Variants in MAP7 observed in about 807,000 individuals in gnomAD.
MAP7 encodes the protein ensconsin.
In MAP7, 52 loss-of-function variants were observed where a neutral mutation model predicts 94.8. That is an observed-to-expected ratio of 0.55 (90% confidence interval 0.44 to 0.69). The LOEUF is 0.69. Among genes scored for constraint, MAP7 ranks in the 30% least tolerant of loss-of-function variants. The pLI, the probability that MAP7 is intolerant of heterozygous loss-of-function variation, is 0.00. For missense variants in MAP7, 940 were observed against 964.6 expected (o/e 0.97, Z 0.34); for synonymous variants, 350 against 357.0 (o/e 0.98, Z 0.22).
intron 1 of MAP7, among the ~76,000 whole-genome samples, chr6:136,544,949 C>G (rs1030092648): frequency 6.6e-6 from 1 of 152,178 alleles, no homozygotes; most frequent in Non-Finnish European, 1.5e-5. Flanking sequence ...GGGTAAAGAA[C>G]AAAACAGGTC....
At chr6:136,426,908 A>T (rs531923646) in intron 1 of MAP7, among the ~76,000 whole-genome samples, 1 of 152,216 alleles carries the variant, frequency 6.6e-6, no homozygotes, top group Non-Finnish European at 1.5e-5. Flanking sequence ...GTGAAGTCTA[A>T]CAAGCCTGCT....
At chr6:136,428,022 C>A (rs1438386358) in intron 1 of MAP7, among the ~76,000 whole-genome samples, 1 of 152,182 alleles carries the variant, frequency 6.6e-6, no homozygotes, top group African/African-American at 2.4e-5. Flanking sequence ...TAAATACAGT[C>A]CAACATGGTG....
chr6:136,372,756 T>A, intron 7 of MAP7, 131 bp from the exon 8 acceptor site: 1 of 1,133,620 alleles, frequency 8.8e-7, no homozygotes, highest in Non-Finnish European at 1.3e-6. Context: ...GAGAGAAAAG[T>A]AGGAAGAAGA....
rs79758736 is a variant in MAP7, at chr6:136,375,165, A to G, written c.752-2540T>C. Among the ~76,000 whole-genome samples the G allele has an allele frequency of 8.4e-3, 1,279 of 152,320 alleles. 21 individuals carry two copies. The highest frequency in any genetic ancestry group is 0.028 in the African/African-American group (1,183 of 41,564). Reference sequence around the variant, plus strand: ...GTAGCATAGCAAAAAGAAAAATGGCATAATATGGTAATACGGTACTAGCAT... The same window carrying G: ...GTAGCATAGCAAAAAGAAAAATGGCGTAATATGGTAATACGGTACTAGCAT... On this transcript the variant is annotated intron_variant, in intron 7 of 17. Transcript: ENST00000354570.
At chr6:136,524,599 A>T (rs1827320961) in intron 1 of MAP7, among the ~76,000 whole-genome samples, 1 of 152,228 alleles carries the variant, frequency 6.6e-6, no homozygotes, top group African/African-American at 2.4e-5. Flanking sequence ...TAGTAAATAA[A>T]AATCAACTAC....
intron 3 of MAP7, among the ~76,000 whole-genome samples, chr6:136,395,006 AC>A (rs1020762458): frequency 1.5e-4 from 20 of 137,920 alleles, no homozygotes; most frequent in Non-Finnish European, 2.9e-4. Context: ...ACTGATGGAC[AC>A]TTAGGTTACT....
intron 10 of MAP7, 116 bp from the exon 11 acceptor site, chr6:136,362,818 A>T (rs1355492104): frequency 6.9e-7 from 1 of 1,451,964 alleles, no homozygotes; most frequent in Non-Finnish European, 9.1e-7. Context: ...AGAAAAGGGA[A>T]TGTTTATTAC....
intron 16 of MAP7, among the ~76,000 whole-genome samples, chr6:136,352,435 C>G (rs1486541528): frequency 1.3e-5 from 2 of 152,158 alleles, no homozygotes; most frequent in East Asian, 3.9e-4. Context: ...ATCCACCTGC[C>G]TCAGCCTCTC....
chr6:136,401,653 G>A (rs563752058), intron 3 of MAP7, among the ~76,000 whole-genome samples: 1 of 152,088 alleles, frequency 6.6e-6, no homozygotes, highest in East Asian at 1.9e-4. Context: ...AGGGGAGAGG[G>A]ATAGCATTAG....
chr6:136,505,275 GTGTATATA>G (rs1161803496), intron 1 of MAP7, among the ~76,000 whole-genome samples: 2 of 69,186 alleles, frequency 2.9e-5, no homozygotes, highest in African/African-American at 5.9e-5. Flanking sequence ...GTGTGTGTGT[GTGTATATA>G]TATATATATA....
intron 1 of MAP7, among the ~76,000 whole-genome samples, chr6:136,431,018 G>A (rs899487467): frequency 1.3e-5 from 2 of 152,066 alleles, no homozygotes; most frequent in African/African-American, 4.8e-5. Context: ...TTACATGAGG[G>A]GCCACGCTTG....
chr6:136,390,931 T>C (rs1411824687), intron 3 of MAP7, among the ~76,000 whole-genome samples: 1 of 152,192 alleles, frequency 6.6e-6, no homozygotes, highest in African/African-American at 2.4e-5. Flanking sequence ...GCAGCTAGGC[T>C]ACTAACTGGT....
intron 1 of MAP7, among the ~76,000 whole-genome samples, chr6:136,423,911 C>T (rs1226927663): frequency 6.6e-6 from 1 of 151,922 alleles, no homozygotes; most frequent in African/African-American, 2.4e-5. Context: ...GTTCTTCTGC[C>T]TCAGCTCCCA....
intron 1 of MAP7, among the ~76,000 whole-genome samples, chr6:136,537,366 TC>T (rs1828971172): frequency 6.6e-6 from 1 of 152,208 alleles, no homozygotes; most frequent in Non-Finnish European, 1.5e-5. Flanking sequence ...CCAAAGTTGT[TC>T]GAGTCTCATA....
At chr6:136,505,821 T>C (rs1464695411) in intron 1 of MAP7, among the ~76,000 whole-genome samples, 10 of 152,156 alleles carry the variant, frequency 6.6e-5, no homozygotes, top group Non-Finnish European at 5.9e-5. Context: ...GACTTATTAC[T>C]GGCAAGTAGC....
At chr6:136,389,955 A>G (rs1780239325) in intron 3 of MAP7, among the ~76,000 whole-genome samples, 1 of 152,156 alleles carries the variant, frequency 6.6e-6, no homozygotes, top group Non-Finnish European at 1.5e-5. Flanking sequence ...GGGAGAAAAT[A>G]ATTAGTTGAT....
intron 1 of MAP7, among the ~76,000 whole-genome samples, chr6:136,548,437 C>A (rs951790330): frequency 6.6e-6 from 1 of 151,842 alleles, no homozygotes; most frequent in Non-Finnish European, 1.5e-5. Context: ...GAAAGAGATG[C>A]GGGGCCAGAA....
chr6:136,438,347 T>C (rs1386500272), intron 1 of MAP7, among the ~76,000 whole-genome samples: 1 of 152,216 alleles, frequency 6.6e-6, no homozygotes, highest in African/African-American at 2.4e-5. Context: ...AAATTAGAAG[T>C]GGTCAGAAAG....
intron 1 of MAP7, among the ~76,000 whole-genome samples, chr6:136,504,788 C>A (rs1192109940): frequency 1.3e-5 from 2 of 152,202 alleles, no homozygotes; most frequent in Admixed American, 6.5e-5. Flanking sequence ...TCAAGCGATT[C>A]TTGTGCCCAG....
Sources: gnomAD v4.1 joint callset for allele counts (sites outside exome capture counted in the v4.1 genomes callset) on GRCh38, gnomAD v4.1.1 for gene constraint, MANE v1.5 for transcripts, NCBI Gene and HGNC (gene_info 2026-07-23, HGNC 2026-07-21) for gene names.